The following RBM39 variants were observed in gnomAD, a reference collection of about 807,000 sequenced individuals.
RBM39 encodes RNA binding motif protein 39, also known as RNA-binding protein 39.
In RBM39, 12 loss-of-function variants were observed where a neutral mutation model predicts 79.6. That is an observed-to-expected ratio of 0.15 (90% CI 0.10 to 0.24). The LOEUF (loss-of-function observed/expected upper bound fraction) is 0.24. Among genes scored for constraint, RBM39 ranks in the 10% least tolerant of loss-of-function variants. The pLI is 1.00. For missense variants in RBM39, 243 were observed against 653.4 expected (o/e 0.37, Z 6.85); for synonymous variants, 185 against 208.4 (o/e 0.89, Z 0.97).
chr20:35,721,619 A>G, intron 9 of RBM39, 121 bp downstream of exon 9: 1 of 1,166,612 alleles, frequency 8.6e-7, no homozygotes. Context: ...TTTTTATAAA[A>G]CCAGCCCTTA....
intron 3 of RBM39, chr20:35,736,708 T>C (rs1200645433): frequency 2.5e-6 from 1 of 402,402 alleles, no homozygotes; most frequent in African/African-American, 2.1e-5. Flanking sequence ...TGGAGTACAA[T>C]GGCATAATCT....
intron 6 of RBM39, among the ~76,000 whole-genome samples, chr20:35,725,604 A>G (rs2038551853): frequency 6.6e-6 from 1 of 151,846 alleles, no homozygotes; most frequent in South Asian, 2.1e-4. Context: ...AAACATGTTC[A>G]GTAAACAGAG....
chr20:35,718,423 C>G (rs2037450769), intron 9 of RBM39, among the ~76,000 whole-genome samples: 1 of 151,978 alleles, frequency 6.6e-6, no homozygotes, highest in Admixed American at 6.6e-5. Context: ...TCGGTGGCTC[C>G]CACCTGTAGG....
chr20:35,725,326 G>A (rs2038519862), intron 6 of RBM39, among the ~76,000 whole-genome samples, 171 bp from the exon 7 acceptor site: 1 of 152,102 alleles, frequency 6.6e-6, no homozygotes. Context: ...TGTCACCTGA[G>A]CAGTATATAC....
chr20:35,732,360 A>C (rs2039464548), intron 3 of RBM39: 1 of 553,342 alleles, frequency 1.8e-6, no homozygotes. Flanking sequence ...GTTCAAGACC[A>C]GTCTGGCCAA....
At position 35,702,019 on chromosome 20, in the gene RBM39, C is replaced by T. The variant is rs2035307534; in HGVS notation, c.*2462G>A. ...GCTAAATTCCAGATGATTTTCTAAC[C>T]ACTCATCAACAATCTATATAGCTTG... is the stretch of plus-strand genomic sequence containing the variant. On this transcript the variant is annotated 3_prime_UTR_variant, in exon 17 of 17. Coordinates refer to ENST00000253363, the MANE Select transcript of RBM39 (RefSeq NM_184234.3). 1 of 152,110 alleles carries T rather than the reference C, an allele frequency of 6.6e-6. No homozygotes were observed. Among genetic ancestry groups the T allele is most frequent in the African/African-American group, 2.4e-5 (1 of 41,412 alleles). 9.4% of individuals were successfully genotyped at this position (152,110 alleles called of 1,614,324 possible). A position where few individuals can be genotyped will look rare whatever the true frequency, so the allele number is the denominator to read the frequency against.
At chr20:35,711,975 C>G (rs2036473027) in intron 12 of RBM39, among the ~76,000 whole-genome samples, 1 of 152,078 alleles carries the variant, frequency 6.6e-6, no homozygotes. Flanking sequence ...TGTCTGTGAT[C>G]CCAGCTATGT....
chr20:35,739,076 A>C (rs1320101094), intron 2 of RBM39, 59 bp from the exon 3 acceptor site: 8 of 1,302,120 alleles, frequency 6.1e-6, no homozygotes, highest in Non-Finnish European at 8.9e-6. Context: ...TCAAGTTGTC[A>C]AAGGGTAAAG....
At chr20:35,726,377 C>T (rs540423022) in intron 6 of RBM39, among the ~76,000 whole-genome samples, 5 of 152,202 alleles carry the variant, frequency 3.3e-5, no homozygotes, top group South Asian at 4.1e-4. Flanking sequence ...GTGATCCACC[C>T]GCCTCGGCCT....
chr20:35,725,056 A>G lies in RBM39; in HGVS notation c.516T>C (p.Phe172=), dbSNP rs752431514. ...ARIRPRDLEE[F]FSTVGKVRDV... is the part of the protein sequence containing the mutation. ...AGATTACCTTTCCTACTGTAGAGAA[A>G]AACTCTTCCAAATCCCTTGGTCGAA... is the stretch of plus-strand genomic sequence containing the variant. Residue 172 remains phenylalanine (F), a synonymous_variant, in exon 7 of 17, where the codon TTT becomes TTC. Transcript: ENST00000253363. The G allele has an allele frequency of 6.2e-7, 1 of 1,610,914 alleles. No individual in the cohort carries two copies. The highest frequency in any genetic ancestry group is 1.1e-5 in the South Asian group (1 of 90,800).
intron 9 of RBM39, among the ~76,000 whole-genome samples, chr20:35,718,003 C>A (rs996740795): frequency 6.6e-6 from 1 of 152,076 alleles, no homozygotes; most frequent in Non-Finnish European, 1.5e-5. Flanking sequence ...GGACTACAGG[C>A]ACCCACCACC....
chr20:35,736,459 C>T (rs1339591622), intron 3 of RBM39: 1 of 354,566 alleles, frequency 2.8e-6, no homozygotes, highest in African/African-American at 2.2e-5. Flanking sequence ...CTTAACAAGC[C>T]CTGAATAACA....
At chr20:35,721,040 G>A (rs890443597) in intron 9 of RBM39, among the ~76,000 whole-genome samples, 3 of 152,116 alleles carry the variant, frequency 2.0e-5, no homozygotes, top group Non-Finnish European at 4.4e-5. Context: ...ATATTCAAGG[G>A]AGAAATTCTG....
intron 8 of RBM39, among the ~76,000 whole-genome samples, chr20:35,724,040 T>C (rs1424456156): frequency 6.6e-6 from 1 of 151,132 alleles, no homozygotes; most frequent in Non-Finnish European, 1.5e-5. Context: ...AGACCCTATC[T>C]CAAAAACAAG....
At chr20:35,736,176 G>A (rs2425118) in intron 3 of RBM39, among the ~76,000 whole-genome samples, 28,412 of 151,954 alleles carry the variant, frequency 0.19, 3,059 homozygotes, top group African/African-American at 0.31. Context: ...CTTTTGATTA[G>A]AGAATTGCAA....
At chr20:35,710,855 C>T (rs1245862327) in intron 12 of RBM39, among the ~76,000 whole-genome samples, 1 of 152,038 alleles carries the variant, frequency 6.6e-6, no homozygotes, top group East Asian at 1.9e-4. Context: ...TCATCTCTAC[C>T]ACCACCAGCA....
At position 35,726,919 on chromosome 20, in the gene RBM39, G is replaced by A. The variant is rs76418355; in HGVS notation, c.417-1764C>T. Among the ~76,000 whole-genome samples, 385 of 152,174 alleles carry A rather than the reference G, an allele frequency of 2.5e-3. 9 individuals carry two copies. The East Asian group carries it at 0.068, about 27-fold the overall frequency. ...TGGCTCATCACAACCTCCATCTCAC[G>A]GGTTCAAGCAATTCTCCTGCCTCTC... is the stretch of plus-strand genomic sequence containing the variant. On this transcript the variant is annotated intron_variant, in intron 6 of 16. Coordinates refer to ENST00000253363, the MANE Select transcript of RBM39 (RefSeq NM_184234.3).
At chr20:35,741,085 A>G (rs1394720370) in intron 1 of RBM39, among the ~76,000 whole-genome samples, 198 bp from the exon 2 acceptor site, 3 of 112,646 alleles carry the variant, frequency 2.7e-5, no homozygotes, top group Non-Finnish European at 5.0e-5. Context: ...CCCAGGCTGA[A>G]GTGCAGTAGC....
intron 8 of RBM39, 124 bp from the exon 9 acceptor site, chr20:35,722,001 G>A: frequency 9.2e-7 from 1 of 1,082,626 alleles, no homozygotes; most frequent in Non-Finnish European, 1.3e-6. Context: ...ACGTAAGTCA[G>A]ATACTACATA....
Sources: allele counts gnomAD v4.1 joint callset (sites outside exome capture counted in the v4.1 genomes callset), GRCh38; gene constraint gnomAD v4.1.1; transcripts MANE v1.5; gene names NCBI Gene and HGNC (gene_info 2026-07-23, HGNC 2026-07-21).